Variants in DIPK2B observed in about 807,000 individuals in gnomAD.
The protein encoded by DIPK2B is UPF0672 protein CXorf36.
A neutral mutation model predicts 22.2 loss-of-function variants in DIPK2B; 15 were observed. The observed-to-expected ratio is 0.68, with a 90% CI of 0.45 to 1.04. The LOEUF (loss-of-function observed/expected upper bound fraction) is 1.04, where lower values mean the gene tolerates loss of function less well. Among genes scored for constraint, DIPK2B ranks in the 50% least tolerant of loss-of-function variants. The probability of loss-of-function intolerance (pLI) is 0.00; values close to 1 mark genes in which losing one functional copy is unlikely to be tolerated. For synonymous variants in DIPK2B, 163 were observed against 153.2 expected (o/e 1.06, Z -0.47); for missense variants, 345 against 348.3 (o/e 0.99, Z 0.08).
chrX:45,170,836 C>T (rs2047077195), intron 2 of DIPK2B, among the ~76,000 whole-genome samples: 1 of 112,463 alleles, frequency 8.9e-6, no homozygotes, highest in Admixed American at 9.4e-5. Flanking sequence ...TTATTGCATG[C>T]TTGCCTGCTC....
Position 45,195,125 on chromosome X carries a change from C to T in DIPK2B, c.234-3110G>A, listed in dbSNP as rs1451372093. The stretch of plus-strand genomic sequence containing the variant: ...TGAATGGGAAAAATGTATACTCTTA[C>T]AGTGTTGACTACCTACTTTATTAAA... On this transcript the variant is annotated intron_variant, in intron 1 of 4. Coordinates refer to ENST00000398000, the MANE Select transcript of DIPK2B (RefSeq NM_176819.4). 2.7e-5 allele frequency among the ~76,000 whole-genome samples: 3 copies of T among 112,577 alleles called. No homozygotes were observed. The Admixed American group carries it at 2.8e-4, about 11-fold the overall frequency.
At chrX:45,181,967 C>T (rs779993298) in intron 2 of DIPK2B, among the ~76,000 whole-genome samples, 1 of 109,694 alleles carries the variant, frequency 9.1e-6, no homozygotes, top group Admixed American at 9.8e-5. Flanking sequence ...GTCCCAGCTA[C>T]TTGGGAGGCT....
intron 2 of DIPK2B, among the ~76,000 whole-genome samples, chrX:45,187,232 A>C (rs2047188147): frequency 8.9e-6 from 1 of 112,134 alleles, no homozygotes; most frequent in Non-Finnish European, 1.9e-5. Context: ...ATTAGCCTCC[A>C]GCTGCCTAGG....
intron 2 of DIPK2B, among the ~76,000 whole-genome samples, chrX:45,184,677 G>T (rs2047172062): frequency 8.9e-6 from 1 of 111,747 alleles, no homozygotes; most frequent in Non-Finnish European, 1.9e-5. Flanking sequence ...CTTGAGTTAG[G>T]AACAAATTAA....
chrX:45,169,099 G>T (rs1259752687), intron 2 of DIPK2B, among the ~76,000 whole-genome samples: 1 of 111,610 alleles, frequency 9.0e-6, no homozygotes, highest in African/African-American at 3.3e-5. Context: ...GGATATTTTT[G>T]AGAGTGAATG....
chrX:45,200,703 G>T lies in DIPK2B; in HGVS notation c.124C>A (p.Pro42Thr), dbSNP rs2047262709. 1 of 1,211,181 alleles carries T rather than the reference G, an allele frequency of 8.3e-7. No individual in the cohort carries two copies. Among genetic ancestry groups the T allele is most frequent in the Non-Finnish European group, 1.1e-6 (1 of 895,420 alleles). ...LPASSLSSLV[P>T]QVRTSYNFGR... ...AAATTGTAGCTGGTTCTGACTTGGG[G>T]CACCAGAGAAGAAAGGGAAGAAGCT... The change falls in exon 1 of 5, where the codon CCC becomes ACC. Residue 42 changes from proline to threonine, a missense_variant. Physicochemically the swap from Pro to Thr is conservative, Grantham distance 38. Transcript: ENST00000398000.
intron 1 of DIPK2B, among the ~76,000 whole-genome samples, chrX:45,193,321 T>C: frequency 8.9e-6 from 1 of 112,427 alleles, no homozygotes; most frequent in Non-Finnish European, 1.9e-5. Context: ...AATAAGAATA[T>C]TTAAATTCTT....
chrX:45,157,808 G>A lies in DIPK2B; in HGVS notation c.579C>T (p.Asp193=), dbSNP rs773294215. ...AGTGGTCCATGAAGATGCTGCCGGCGTCGGCCACCTCTGCATAGCGCCTGA... is the reference window on the plus strand; with the variant it reads ...AGTGGTCCATGAAGATGCTGCCGGCATCGGCCACCTCTGCATAGCGCCTGA... ...RVVRRYAEVA[D]AGSIFMDHFT... The change falls in exon 3 of 5, where the codon GAC becomes GAT. Residue 193 remains aspartate, a synonymous_variant. Transcript: ENST00000398000. 3.4e-6 allele frequency: 4 copies of A among 1,181,555 alleles called. No homozygotes were observed. Among genetic ancestry groups the A allele is most frequent in the Non-Finnish European group, 4.5e-6 (4 of 881,152 alleles).
At chrX:45,156,366 A>G (rs5952692) in intron 3 of DIPK2B, among the ~76,000 whole-genome samples, 35,038 of 110,476 alleles carry the variant, frequency 0.32, 4,170 homozygotes, top group Admixed American at 0.47. Context: ...CCCGGGTTCC[A>G]TGACTTGCCC....
intron 2 of DIPK2B, among the ~76,000 whole-genome samples, chrX:45,181,576 CACAA>C (rs939270797): frequency 3.6e-5 from 4 of 111,730 alleles, no homozygotes; most frequent in Non-Finnish European, 5.6e-5. Context: ...TCTGATTTCT[CACAA>C]ACACTCTACT....
chrX:45,199,134 A>G (rs2047254840), intron 1 of DIPK2B, among the ~76,000 whole-genome samples: 1 of 112,441 alleles, frequency 8.9e-6, no homozygotes, highest in South Asian at 3.7e-4. Context: ...AAAAAGGCTT[A>G]ATAGGAAAAG....
intron 1 of DIPK2B, among the ~76,000 whole-genome samples, chrX:45,198,816 C>T (rs867097888): frequency 8.9e-6 from 1 of 111,844 alleles, no homozygotes; most frequent in South Asian, 3.8e-4. Flanking sequence ...CTTGAGTTCA[C>T]ATCCAACATC....
intron 2 of DIPK2B, among the ~76,000 whole-genome samples, chrX:45,175,743 C>T (rs1296392439): frequency 1.0e-5 from 1 of 99,766 alleles, no homozygotes; most frequent in East Asian, 3.3e-4. Flanking sequence ...ATACTTTATA[C>T]ATTTTTACAA....
intron 2 of DIPK2B, among the ~76,000 whole-genome samples, chrX:45,168,314 G>A (rs894098354): frequency 1.8e-5 from 2 of 112,616 alleles, no homozygotes; most frequent in African/African-American, 6.5e-5. Flanking sequence ...AGACAGGAAT[G>A]AGCTAAGAGT....
chrX:45,172,103 G>T (rs1035973796), intron 2 of DIPK2B, among the ~76,000 whole-genome samples: 1 of 112,059 alleles, frequency 8.9e-6, no homozygotes, highest in African/African-American at 3.2e-5. Context: ...CACCCAAAAG[G>T]GAGCAGAGAT....
intron 2 of DIPK2B, among the ~76,000 whole-genome samples, chrX:45,182,136 T>C (rs2047157775): frequency 9.1e-6 from 1 of 109,544 alleles, no homozygotes; most frequent in Admixed American, 9.8e-5. Flanking sequence ...GATGAAGATA[T>C]TTGTAATACA....
At chrX:45,165,054 A>G (rs975676958) in intron 2 of DIPK2B, among the ~76,000 whole-genome samples, 2 of 111,844 alleles carry the variant, frequency 1.8e-5, no homozygotes, top group Admixed American at 9.5e-5. Flanking sequence ...TCAGAATGCT[A>G]TAAACATACA....
chrX:45,153,996 A>G lies in DIPK2B; in HGVS notation c.875T>C (p.Ile292Thr), dbSNP rs975022120. The G allele has an allele frequency of 3.3e-6, 4 of 1,208,818 alleles. No homozygotes were observed. The highest frequency in any genetic ancestry group is 1.8e-5 in the African/African-American group (1 of 56,855). The change falls in exon 4 of 5, where the codon ATT (isoleucine) becomes ACT (threonine). Residue 292 changes from isoleucine to threonine, a missense_variant. Ile to Thr is a moderately conservative substitution (Grantham distance 89). Coordinates refer to ENST00000398000, the MANE Select transcript of DIPK2B (RefSeq NM_176819.4). ...AAAGACGCCGAACATGCCTGCATCA[A>G]TGTGGGTGAAGTAGAAGAAATAGTT... ...DLNYFFYFTH[I>T]DAGMFGVFNN... is the part of the protein sequence containing the mutation.
chrX:45,181,749 T>C (rs2066015637), intron 2 of DIPK2B, among the ~76,000 whole-genome samples: 1 of 112,244 alleles, frequency 8.9e-6, no homozygotes, highest in Non-Finnish European at 1.9e-5. Flanking sequence ...TTAAAGCTTC[T>C]AGAAGTAAAC....
Sources: allele counts gnomAD v4.1 joint callset (sites outside exome capture counted in the v4.1 genomes callset), GRCh38; gene constraint gnomAD v4.1.1; transcripts MANE v1.5; gene names NCBI Gene and HGNC (gene_info 2026-07-23, HGNC 2026-07-21).